The following SHQ1 variants were observed in gnomAD, a reference collection of about 807,000 sequenced individuals.
SHQ1 encodes the protein protein SHQ1 homolog.
Under a neutral mutation model 53.8 loss-of-function variants are expected in SHQ1, and 49 were observed. The ratio of observed to expected loss-of-function variants is 0.91; its 90% confidence interval spans 0.72 to 1.16. The LOEUF (loss-of-function observed/expected upper bound fraction) is 1.16, where lower values mean the gene tolerates loss of function less well. Among genes scored for constraint, SHQ1 ranks in the 50% most tolerant of loss-of-function variants. SHQ1 has a pLI of 0.00. For synonymous variants in SHQ1, 243 were observed against 251.0 expected (o/e 0.97, Z 0.30); for missense variants, 738 against 683.1 (o/e 1.08, Z -0.90).
At chr3:72,848,085 G>A in intron 1 of SHQ1, 113 bp downstream of exon 1, 4 of 1,320,052 alleles carry the variant, frequency 3.0e-6, no homozygotes, top group East Asian at 2.3e-5. Context: ...CTGCGGAAAC[G>A]TCGGGAAAAG....
chr3:72,779,462 C>T (rs1706028806), intron 10 of SHQ1, among the ~76,000 whole-genome samples: 1 of 152,126 alleles, frequency 6.6e-6, no homozygotes, highest in South Asian at 2.1e-4. Context: ...TTCTTTTGCA[C>T]CACTTTCCAA....
rs138876747 is a variant in SHQ1 at position 72,844,965 on chromosome 3, C to G, written c.144-542G>C. 6.8e-3 allele frequency among the ~76,000 whole-genome samples: 1,035 copies of G among 152,230 alleles called. 16 individuals carry two copies. Among genetic ancestry groups the G allele is most frequent in the African/African-American group, 0.023 (975 of 41,526 alleles). On this transcript the variant is annotated intron_variant, in intron 1 of 10. Transcript: ENST00000325599. ...AACTTGAGTTCCATCCTCAAGATAT[C>G]TCATTATGTATGCAAAAATATTCCA...
intron 10 of SHQ1, among the ~76,000 whole-genome samples, chr3:72,765,749 C>T (rs186207883): frequency 1.5e-3 from 232 of 151,524 alleles, no homozygotes; most frequent in Middle Eastern, 3.4e-3. Context: ...GACGGGGTTT[C>T]GCCATGTTGG....
chr3:72,824,046 C>A (rs1321977795), intron 6 of SHQ1, among the ~76,000 whole-genome samples: 1 of 152,096 alleles, frequency 6.6e-6, no homozygotes, highest in Non-Finnish European at 1.5e-5. Flanking sequence ...GTCTTCCCCC[C>A]GCCCGTTACT....
chr3:72,783,146 C>G (rs2106762763), intron 10 of SHQ1, among the ~76,000 whole-genome samples: 1 of 152,228 alleles, frequency 6.6e-6, no homozygotes, highest in East Asian at 1.9e-4. Flanking sequence ...GGGACTAAAA[C>G]AAGAAAGAAC....
chr3:72,807,242 T>C (rs961370694), intron 9 of SHQ1, among the ~76,000 whole-genome samples: 2 of 152,194 alleles, frequency 1.3e-5, no homozygotes, highest in Non-Finnish European at 2.9e-5. Flanking sequence ...ATTTTCACTC[T>C]CCATATTTCT....
the SHQ1 span, among the ~76,000 whole-genome samples, chr3:72,729,728 G>A: frequency 4.6e-5 from 7 of 152,270 alleles, no homozygotes; most frequent in East Asian, 1.3e-3. Context: ...ATTATACAGT[G>A]AAGGAATTAC....
chr3:72,742,622 T>TC, the SHQ1 span, among the ~76,000 whole-genome samples: 1 of 147,274 alleles, frequency 6.8e-6, no homozygotes, highest in African/African-American at 2.5e-5. Flanking sequence ...TTTTTTTCTT[T>TC]TTTTTTTTTT....
intron 10 of SHQ1, among the ~76,000 whole-genome samples, chr3:72,771,352 A>T (rs9841994): frequency 6.6e-6 from 1 of 152,160 alleles, no homozygotes; most frequent in African/African-American, 2.4e-5. Flanking sequence ...CCAAAAAGTT[A>T]GTAACAGGTG....
the SHQ1 span, among the ~76,000 whole-genome samples, chr3:72,739,779 G>A: frequency 6.6e-6 from 1 of 152,240 alleles, no homozygotes; most frequent in African/African-American, 2.4e-5. Context: ...AAGGAAACAG[G>A]AGTGGGGCAG....
At position 72,842,289 on chromosome 3, in the gene SHQ1, C is replaced by T. The variant is rs752956818; in HGVS notation, c.322G>A (p.Glu108Lys). 2 of 1,613,444 alleles carry T rather than the reference C, an allele frequency of 1.2e-6. No individual in the cohort carries two copies. The highest frequency in any genetic ancestry group is 3.3e-5 in the Admixed American group (2 of 59,998). Residue 108 changes from glutamate to lysine, a missense_variant, in exon 3 of 11, where the codon GAA (glutamate) becomes AAA (lysine). Glu to Lys is a moderately conservative substitution (Grantham distance 56). Coordinates refer to ENST00000325599, the MANE Select transcript of SHQ1 (RefSeq NM_018130.3). ...RKSRTAKPLVEEIGASEIPEE... is the reference protein window; with the variant it reads ...RKSRTAKPLVKEIGASEIPEE... ...ACTGTAATAAACATACCTATTTCTT[C>T]CACAAGTGGTTTTGCTGTCCTGGAT...
chr3:72,789,096 A>T (rs1022150040), intron 10 of SHQ1, among the ~76,000 whole-genome samples: 2 of 151,996 alleles, frequency 1.3e-5, no homozygotes, highest in African/African-American at 4.8e-5. Context: ...AAAAAAAAAA[A>T]AAGAAAAATA....
intron 1 of SHQ1, chr3:72,846,275 C>T (rs1708325378): frequency 6.5e-7 from 1 of 1,534,568 alleles, no homozygotes; most frequent in Non-Finnish European, 8.7e-7. Flanking sequence ...TTTATTCATC[C>T]TTGGTATAGC....
intron 9 of SHQ1, among the ~76,000 whole-genome samples, chr3:72,800,213 C>A (rs1057511566): frequency 6.6e-6 from 1 of 152,128 alleles, no homozygotes; most frequent in African/African-American, 2.4e-5. Flanking sequence ...AGGCCCTCAC[C>A]AGCCCCTTGA....
At chr3:72,823,171 T>C (rs1037337974) in intron 6 of SHQ1, among the ~76,000 whole-genome samples, 3 of 144,132 alleles carry the variant, frequency 2.1e-5, no homozygotes, top group African/African-American at 7.8e-5. Flanking sequence ...AAAAAAAGAG[T>C]CACTATAATG....
intron 9 of SHQ1, among the ~76,000 whole-genome samples, chr3:72,796,099 C>A: frequency 1.1e-5 from 1 of 87,146 alleles, no homozygotes; most frequent in Admixed American, 1.4e-4. Context: ...GAGACTCCAT[C>A]TCAAAAAAAA....
At chr3:72,844,572 T>G in intron 1 of SHQ1, 149 bp from the exon 2 acceptor site, 2 of 711,514 alleles carry the variant, frequency 2.8e-6, no homozygotes, top group South Asian at 3.2e-5. Context: ...ATAAACTAAG[T>G]TAGATTCTTT....
At chr3:72,793,087 G>A in intron 9 of SHQ1, 51 bp from the exon 10 acceptor site, 1 of 1,486,526 alleles carries the variant, frequency 6.7e-7, no homozygotes, top group Non-Finnish European at 9.2e-7. Flanking sequence ...AAGAAATTCA[G>A]ACCCTGAGAG....
downstream of SHQ1, among the ~76,000 whole-genome samples, chr3:72,745,811 C>T (rs139108126): frequency 4.7e-3 from 718 of 152,078 alleles, 2 homozygotes; most frequent in African/African-American, 0.015. Flanking sequence ...ACGGCCATAC[C>T]ACCCTGAACG....
Sources: allele counts gnomAD v4.1 joint callset (sites outside exome capture counted in the v4.1 genomes callset), GRCh38; gene constraint gnomAD v4.1.1; transcripts MANE v1.5; gene names NCBI Gene and HGNC (gene_info 2026-07-23, HGNC 2026-07-21).